The following SEPTIN5 variants were observed in gnomAD, a reference collection of about 807,000 sequenced individuals.
SEPTIN5 encodes septin-5.
A neutral mutation model predicts 51.2 loss-of-function variants in SEPTIN5; 16 were observed. The ratio of observed to expected loss-of-function variants is 0.31; its 90% CI spans 0.21 to 0.47. SEPTIN5 has a LOEUF of 0.47. SEPTIN5 is among the 20% of genes least tolerant of loss of function. The probability of loss-of-function intolerance (pLI) is 0.99; values close to 1 mark genes in which losing one functional copy is unlikely to be tolerated. For missense variants in SEPTIN5, 376 were observed against 500.3 expected, an observed-to-expected ratio of 0.75 and a Z score of 2.37; for synonymous variants, 208 against 191.2, an observed-to-expected ratio of 1.09 and a Z score of -0.72.
rs146098555 is a variant in SEPTIN5 at position 19,721,856 on chromosome 22, G to T, written c.849G>T (p.Leu283=). ...ENQAHCDFVK[L]RNMLIRTHMH... The stretch of plus-strand genomic sequence containing the variant: ...AGGCGCATTGCGACTTCGTGAAGCT[G>T]CGCAACATGCTCATCCGCACGCATA... Residue 283 remains leucine (L), a synonymous_variant, in exon 10 of 12, where the codon CTG becomes CTT. Transcript: ENST00000455784. 73 of 1,611,406 alleles carry T rather than the reference G, an allele frequency of 4.5e-5. No homozygotes were observed. The highest frequency in any genetic ancestry group is 5.9e-5 in the Non-Finnish European group (70 of 1,179,014).
chr22:19,719,670 A>G lies in SEPTIN5; in HGVS notation c.123A>G (p.Lys41=), dbSNP rs1304143113. 6.2e-7 allele frequency: 1 copy of G among 1,613,034 alleles called. No homozygotes were observed. Among genetic ancestry groups the G allele is most frequent in the Non-Finnish European group, 8.5e-7 (1 of 1,179,956 alleles). The stretch of plus-strand genomic sequence containing the variant: ...AGGTGCACCGCAAGTCGGTGAAGAA[A>G]GGCTTTGACTTCACACTCATGGTGG... ...PNQVHRKSVK[K]GFDFTLMVAG... is the part of the protein sequence containing the mutation. Residue 41 remains lysine, a synonymous_variant, in exon 3 of 12, where the codon AAA becomes AAG. Coordinates refer to ENST00000455784, the MANE Select transcript of SEPTIN5 (RefSeq NM_002688.6).
intron 2 of SEPTIN5, 80 bp from the exon 3 acceptor site, chr22:19,719,522 A>G (rs1008655955): frequency 8.6e-7 from 1 of 1,162,208 alleles, no homozygotes; most frequent in Non-Finnish European, 1.2e-6. Flanking sequence ...CTGTCTCCTC[A>G]TACCGCATTT....
chr22:19,720,490 A>T, intron 6 of SEPTIN5, 36 bp downstream of exon 6: 1 of 1,613,278 alleles, frequency 6.2e-7, no homozygotes, highest in Non-Finnish European at 8.5e-7. Flanking sequence ...TCGGGAGTGC[A>T]GCCCCTACAA....
At position 19,720,114 on chromosome 22, in the gene SEPTIN5, G is replaced by C. The variant is rs1452410865; in HGVS notation, c.239-1G>C. 1 of 1,613,062 alleles carries C rather than the reference G, an allele frequency of 6.2e-7. No homozygotes were observed. Among genetic ancestry groups the C allele is most frequent in the Non-Finnish European group, 8.5e-7 (1 of 1,180,012 alleles). ...CCCTTCCAGTGGCCCCTTCCCCGTA[G>C]AGCGCATCAGCCAGACGGTAGAGAT... On this transcript the variant is annotated splice_acceptor_variant, in intron 4 of 11. Transcript: ENST00000455784. LOFTEE classifies it high-confidence loss of function.
In SEPTIN5 at chr22:19,722,897, G is replaced by A; in HGVS notation, c.*413G>A. 2 of 447,586 alleles carry A rather than the reference G, an allele frequency of 4.5e-6. No individual in the cohort carries two copies. Among genetic ancestry groups the A allele is most frequent in the South Asian group, 4.2e-5 (2 of 47,134 alleles). The allele number at this position is 447,586 out of a possible 1,614,324, so 27.7% of individuals were successfully genotyped here. On this transcript the variant is annotated 3_prime_UTR_variant, in exon 12 of 12. Coordinates refer to ENST00000455784, the MANE Select transcript of SEPTIN5 (RefSeq NM_002688.6). ...GAGCCCTCCTTTGCCTGCTCCCGCG[G>A]GTCACCCAGCGAGTGCTGAGACCCC...
At chr22:19,717,936 A>G (rs1365660983) in intron 2 of SEPTIN5, 2 of 156,978 alleles carry the variant, frequency 1.3e-5, no homozygotes, top group Non-Finnish European at 2.8e-5. Flanking sequence ...GCACGCACGC[A>G]CGCACGCACG....
At chr22:19,716,227 G>A (rs1326411595) in intron 2 of SEPTIN5, among the ~76,000 whole-genome samples, 1 of 152,254 alleles carries the variant, frequency 6.6e-6, no homozygotes, top group African/African-American at 2.4e-5. Context: ...CCCGGAGCAG[G>A]AGCCAGGCCA....
chr22:19,722,231 G>T lies in SEPTIN5; in HGVS notation c.951-6G>T, dbSNP rs1416037677. On this transcript the variant is annotated splice_polypyrimidine_tract_variant and splice_region_variant and intron_variant, in intron 10 of 11. Transcript: ENST00000455784. Reference sequence around the variant, plus strand: ...CCCCGCCCATCCTCCCCCCCGCCCCGCGCAGCAAACTGACCCAGGACAGCC... The same window carrying T: ...CCCCGCCCATCCTCCCCCCCGCCCCTCGCAGCAAACTGACCCAGGACAGCC... 1 of 1,286,988 alleles carries T rather than the reference G, an allele frequency of 7.8e-7. No homozygotes were observed. The allele number at this position is 1,286,988 out of a possible 1,614,324, so 79.7% of individuals were successfully genotyped here.
Position 19,722,911 on chromosome 22 carries a change from T to A in SEPTIN5, c.*427T>A. On this transcript the variant is annotated 3_prime_UTR_variant, in exon 12 of 12. Coordinates refer to ENST00000455784, the MANE Select transcript of SEPTIN5 (RefSeq NM_002688.6). Reference sequence around the variant, plus strand: ...CTGCTCCCGCGGGTCACCCAGCGAGTGCTGAGACCCCATTTTCTGTCGAGG... The same window carrying A: ...CTGCTCCCGCGGGTCACCCAGCGAGAGCTGAGACCCCATTTTCTGTCGAGG... The A allele has an allele frequency of 2.3e-6, 1 of 444,396 alleles. No homozygotes were observed. 27.5% of individuals were successfully genotyped at this position (444,396 alleles called of 1,614,324 possible). A position where few individuals can be genotyped will look rare whatever the true frequency, so the allele number is the denominator to read the frequency against.
chr22:19,717,315 C>G (rs943919325), intron 2 of SEPTIN5: 1 of 470,744 alleles, frequency 2.1e-6, no homozygotes, highest in Non-Finnish European at 4.4e-6. Flanking sequence ...TGGGATTCTA[C>G]TGGGGTCATG....
rs958298664 is a variant in SEPTIN5, at chr22:19,714,697, C to G, written c.43+66C>G. 4 of 1,531,272 alleles carry G rather than the reference C, an allele frequency of 2.6e-6. No individual in the cohort carries two copies. Among genetic ancestry groups the G allele is most frequent in the Non-Finnish European group, 3.5e-6 (4 of 1,144,056 alleles). 94.9% of individuals were successfully genotyped at this position (1,531,272 alleles called of 1,614,324 possible). ...TCCCCGCCGCCCGCGCGCCTCTCAC[C>G]GTGTCTCTCCGTCTCTCCCCCGCCC... is the stretch of plus-strand genomic sequence containing the variant. On this transcript the variant is annotated intron_variant, in intron 1 of 11. Transcript: ENST00000455784. The surrounding 1 kb of genome is among the most constrained non-coding windows in gnomAD (Gnocchi z 5.2).
Position 19,722,224 on chromosome 22 carries a change from C to A in SEPTIN5, c.951-13C>A, listed in dbSNP as rs371548235. On this transcript the variant is annotated splice_polypyrimidine_tract_variant and intron_variant, in intron 10 of 11. Transcript: ENST00000455784. ...GGCGCCGCCCCGCCCATCCTCCCCC[C>A]CGCCCCGCGCAGCAAACTGACCCAG... The A allele has an allele frequency of 1.1e-4, 167 of 1,565,506 alleles. No individual in the cohort carries two copies. Among genetic ancestry groups the A allele is most frequent in the Non-Finnish European group, 1.3e-4 (149 of 1,151,202 alleles).
intron 2 of SEPTIN5, chr22:19,718,385 C>G (rs1023874651): frequency 2.9e-6 from 3 of 1,021,528 alleles, no homozygotes; most frequent in African/African-American, 1.7e-5. Flanking sequence ...GACCGTTTCC[C>G]GGCGACGGCG....
At chr22:19,715,655 G>A (rs890035598) in intron 2 of SEPTIN5, among the ~76,000 whole-genome samples, 4 of 152,232 alleles carry the variant, frequency 2.6e-5, no homozygotes, top group African/African-American at 9.6e-5. Context: ...ATCAGGGATG[G>A]AGTTTCTCAG....
chr22:19,720,624 T>C lies in SEPTIN5; in HGVS notation c.573T>C (p.Ala191=). ...KVNIVPLIAK[A]DCLVPSEIRK... ...ACATCGTGCCTCTCATCGCCAAAGC[T>C]GACTGTCTTGTCCCCAGTGAGATCC... The change falls in exon 7 of 12, where the codon GCT becomes GCC. Residue 191 remains alanine, a synonymous_variant. Transcript: ENST00000455784. 1.2e-6 allele frequency: 2 copies of C among 1,612,998 alleles called. No homozygotes were observed. The highest frequency in any genetic ancestry group is 1.7e-6 in the Non-Finnish European group (2 of 1,180,024).
At position 19,717,247 on chromosome 22, in the gene SEPTIN5, C is replaced by G. The variant is rs991905285; in HGVS notation, c.55-2355C>G. On this transcript the variant is annotated intron_variant, in intron 2 of 11. Transcript: ENST00000455784. Reference sequence around the variant, plus strand: ...TCTAATGTGCAGGGGCTTGGCCTGACCAGTCCTACCCTGGAACCTTTCCAG... The same window carrying G: ...TCTAATGTGCAGGGGCTTGGCCTGAGCAGTCCTACCCTGGAACCTTTCCAG... The G allele has an allele frequency of 6.4e-5, 30 of 468,046 alleles. No homozygotes were observed. The Admixed American group carries it at 7.1e-4, about 11-fold the overall frequency. 29.0% of individuals were successfully genotyped at this position (468,046 alleles called of 1,614,324 possible).
Position 19,722,301 on chromosome 22 carries a change from G to T in SEPTIN5, c.1015G>T (p.Ala339Ser). ...GATCCTGCCGCTGCCCACCCCGGAC[G>T]CCGAGACTGAGAAGCTTATCAGGAT... ...IPILPLPTPDAETEKLIRMKD... is the reference protein window; with the variant it reads ...IPILPLPTPDSETEKLIRMKD... The change falls in exon 11 of 12, where the codon GCC becomes TCC. Residue 339 changes from alanine (A) to serine (S), a missense_variant. Physicochemically the swap from Ala to Ser is moderately conservative, Grantham distance 99. This residue lies in a region of SEPTIN5 where 89 missense variants were observed against 83.3 expected (regional missense o/e 1.07). Coordinates refer to ENST00000455784, the MANE Select transcript of SEPTIN5 (RefSeq NM_002688.6). The T allele has an allele frequency of 1.2e-6, 2 of 1,611,570 alleles. No homozygotes were observed. The highest frequency in any genetic ancestry group is 1.7e-6 in the Non-Finnish European group (2 of 1,179,428).
rs1935884973 is a variant in SEPTIN5, at chr22:19,714,508, G to T, written c.-81G>T. 1 of 989,040 alleles carries T rather than the reference G, an allele frequency of 1.0e-6. No homozygotes were observed. Among genetic ancestry groups the T allele is most frequent in the Non-Finnish European group, 1.3e-6 (1 of 785,990 alleles). 61.3% of individuals were successfully genotyped at this position (989,040 alleles called of 1,614,324 possible). A position where few individuals can be genotyped will look rare whatever the true frequency, so the allele number is the denominator to read the frequency against. ...GCGGCGCGGAGGGGCCGCTCACCCC[G>T]CAGCCCGGCCTCGGCCTCCGCCGCT... On this transcript the variant is annotated 5_prime_UTR_variant, in exon 1 of 12. Coordinates refer to ENST00000455784, the MANE Select transcript of SEPTIN5 (RefSeq NM_002688.6). This position sits in a 1 kb window ranked among gnomAD's most constrained non-coding sequence, Gnocchi z 5.2.
At chr22:19,719,746 C>G in intron 3 of SEPTIN5, 48 bp downstream of exon 3, 1 of 1,611,306 alleles carries the variant, frequency 6.2e-7, no homozygotes, top group Non-Finnish European at 8.5e-7. Flanking sequence ...CACTGGCCAG[C>G]CAAGCTCTGT....
Sources: allele counts gnomAD v4.1 joint callset (sites outside exome capture counted in the v4.1 genomes callset), GRCh38; gene constraint gnomAD v4.1.1; regional missense constraint gnomAD v4.1.1; non-coding constraint Gnocchi (gnomAD v3.1); transcripts MANE v1.5; gene names NCBI Gene and HGNC (gene_info 2026-07-23, HGNC 2026-07-21).